Variants in TMCO6 observed in about 807,000 individuals in gnomAD.
TMCO6 encodes the protein transmembrane and coiled-coil domain-containing protein 6.
In TMCO6, 47 loss-of-function variants were observed where a neutral mutation model predicts 61.8. The observed-to-expected ratio is 0.76, with a 90% CI of 0.60 to 0.97. TMCO6 has a LOEUF of 0.97. TMCO6 is among the 50% of genes least tolerant of loss of function. The pLI, the probability that TMCO6 is intolerant of heterozygous loss-of-function variation, is 0.00. For synonymous variants in TMCO6, 261 were observed against 254.2 expected (o/e 1.03, Z -0.25); for missense variants, 557 against 601.6 (o/e 0.93, Z 0.78).
At chr5:140,637,893 C>A (rs997985568), upstream of TMCO6, among the ~76,000 whole-genome samples, 3 of 152,156 alleles carry the variant, frequency 2.0e-5, no homozygotes, top group African/African-American at 7.2e-5. Flanking sequence ...TGTTGTCCCA[C>A]AAACCAATGT....
chr5:140,647,374 G>A (rs201522225), downstream of TMCO6: 3 of 1,611,200 alleles, frequency 1.9e-6, no homozygotes, highest in East Asian at 2.2e-5. Context: ...TGCGGGGCCG[G>A]AGAGAGCGCC....
the TMCO6 span, chr5:140,633,789 C>CTTTTTTTT: frequency 1.6e-5 from 2 of 124,402 alleles, no homozygotes; most frequent in East Asian, 2.3e-4. Context: ...AACTTTCTTT[C>CTTTTTTTT]TTTTTTTTTT....
At chr5:140,634,482 CTTTTTTTTTT>C (rs1221427030), upstream of TMCO6, among the ~76,000 whole-genome samples, 2 of 110,892 alleles carry the variant, frequency 1.8e-5, no homozygotes, top group African/African-American at 3.4e-5. Flanking sequence ...ATATGAAAGT[CTTTTTTTTTT>C]TTTTTTTTTT....
At chr5:140,626,265 AC>A in the TMCO6 span, among the ~76,000 whole-genome samples, 2 of 151,806 alleles carry the variant, frequency 1.3e-5, no homozygotes, top group Non-Finnish European at 2.9e-5. Context: ...TTGCTCTATC[AC>A]CCAGGCTGGA....
chr5:140,606,171 CTT>C, the TMCO6 span, among the ~76,000 whole-genome samples: 146 of 131,874 alleles, frequency 1.1e-3, 1 homozygote, highest in African/African-American at 3.6e-3. Context: ...TTTCTTTCCT[CTT>C]TTTTTTTTTT....
the TMCO6 span, among the ~76,000 whole-genome samples, chr5:140,617,086 T>A: frequency 6.6e-6 from 1 of 151,864 alleles, no homozygotes; most frequent in Non-Finnish European, 1.5e-5. Context: ...TGAATAAACA[T>A]TTCTCCAAAG....
the TMCO6 span, among the ~76,000 whole-genome samples, chr5:140,598,672 C>T: frequency 2.6e-5 from 4 of 152,204 alleles, no homozygotes; most frequent in African/African-American, 7.2e-5. Flanking sequence ...CAGTGGCTTA[C>T]GCCCGTAATC....
At chr5:140,647,671 G>A (rs1239460727), downstream of TMCO6, 1 of 1,502,384 alleles carries the variant, frequency 6.7e-7, no homozygotes, top group Non-Finnish European at 9.1e-7. Flanking sequence ...CTAGCCCATA[G>A]GCTGCATGAG....
chr5:140,632,928 G>T, the TMCO6 span: 12 of 1,614,010 alleles, frequency 7.4e-6, no homozygotes, highest in Non-Finnish European at 9.3e-6. This position sits in a 1 kb window ranked among gnomAD's most constrained non-coding sequence, Gnocchi z 6.2. Context: ...TGGCGTGGTC[G>T]CAGAGACGTG....
At chr5:140,636,912 C>T (rs2149786275), upstream of TMCO6, among the ~76,000 whole-genome samples, 1 of 152,090 alleles carries the variant, frequency 6.6e-6, no homozygotes, top group African/African-American at 2.4e-5. Context: ...CCACCGGGAC[C>T]CTAATCTTCT....
the TMCO6 span, among the ~76,000 whole-genome samples, chr5:140,629,115 A>G: frequency 6.6e-6 from 1 of 152,202 alleles, no homozygotes; most frequent in African/African-American, 2.4e-5. Flanking sequence ...CTAAAAATAC[A>G]AAAATTAGCA....
chr5:140,647,722 T>C, downstream of TMCO6: 1 of 1,322,856 alleles, frequency 7.6e-7, no homozygotes, highest in South Asian at 1.2e-5. Flanking sequence ...ATAAAAGTAT[T>C]GTAGGACCGC....
At chr5:140,599,271 C>T in the TMCO6 span, among the ~76,000 whole-genome samples, 1 of 152,224 alleles carries the variant, frequency 6.6e-6, no homozygotes, top group African/African-American at 2.4e-5. Context: ...GTGCCAATCA[C>T]CTTCCAATCC....
the TMCO6 span, among the ~76,000 whole-genome samples, chr5:140,626,654 CAG>C: frequency 1.3e-5 from 2 of 152,126 alleles, no homozygotes; most frequent in African/African-American, 4.8e-5. Context: ...ATTTTTGAAA[CAG>C]AGTCTCACTC....
chr5:140,633,789 CTT>C, the TMCO6 span: 23,099 of 123,990 alleles, frequency 0.19, 1,704 homozygotes, highest in East Asian at 0.27. Flanking sequence ...AACTTTCTTT[CTT>C]TTTTTTTTTT....
At chr5:140,597,376 G>A in the TMCO6 span, among the ~76,000 whole-genome samples, 1 of 151,506 alleles carries the variant, frequency 6.6e-6, no homozygotes, top group Non-Finnish European at 1.5e-5. Context: ...CATATACTAT[G>A]ACCAAAATGT....
the TMCO6 span, among the ~76,000 whole-genome samples, chr5:140,598,667 G>A: frequency 3.3e-5 from 5 of 152,328 alleles, no homozygotes; most frequent in African/African-American, 1.2e-4. Context: ...GGGTGCAGTG[G>A]CTTACGCCCG....
chr5:140,617,334 G>A, the TMCO6 span, among the ~76,000 whole-genome samples: 2 of 152,076 alleles, frequency 1.3e-5, no homozygotes, highest in Admixed American at 6.6e-5. Flanking sequence ...GGCTGAGGTG[G>A]GAGGATCACT....
downstream of TMCO6, chr5:140,645,415 C>T (rs1256036558): frequency 1.8e-5 from 16 of 876,138 alleles, no homozygotes; most frequent in African/African-American, 3.3e-5. Flanking sequence ...GCTACTTTGC[C>T]TCAGTGGTTG....
Sources: gnomAD v4.1 joint callset for allele counts (sites outside exome capture counted in the v4.1 genomes callset) on GRCh38, gnomAD v4.1.1 for gene constraint, Gnocchi (gnomAD v3.1) non-coding constraint, MANE v1.5 for transcripts, NCBI Gene and HGNC (gene_info 2026-07-23, HGNC 2026-07-21) for gene names.